The following EYS variants were observed in gnomAD, a reference collection of about 807,000 sequenced individuals.
EYS encodes the protein EGF-like photoreceptor maintenance factor.
Under a neutral mutation model 282.1 loss-of-function variants are expected in EYS, and 250 were observed. The ratio of observed to expected loss-of-function variants is 0.89; its 90% CI spans 0.80 to 0.98. The LOEUF is 0.98. EYS is among the 50% of genes least tolerant of loss of function. The probability of loss-of-function intolerance (pLI) is 0.00; values close to 1 mark genes in which losing one functional copy is unlikely to be tolerated. For missense variants in EYS, 4,016 were observed against 3,709.0 expected (o/e 1.08, Z -2.15); for synonymous variants, 1,355 against 1,282.9 (o/e 1.06, Z -1.20).
chr6:63,954,694 C>A (rs1357818576), intron 35 of EYS, among the ~76,000 whole-genome samples: 1 of 152,064 alleles, frequency 6.6e-6, no homozygotes, highest in African/African-American at 2.4e-5. Flanking sequence ...TTGTTCTTCT[C>A]ATCAGTCACT....
At chr6:64,771,225 T>A (rs929386438) in intron 22 of EYS, among the ~76,000 whole-genome samples, 2 of 151,784 alleles carry the variant, frequency 1.3e-5, no homozygotes, top group Non-Finnish European at 3.0e-5. Context: ...CTTATGTATC[T>A]ATAGCTAGAT....
At chr6:65,666,173 G>A (rs9354272) in intron 1 of EYS, among the ~76,000 whole-genome samples, 124,066 of 151,724 alleles carry the variant, frequency 0.82, 50,816 homozygotes, top group East Asian at 0.85. Flanking sequence ...CCATCATACT[G>A]AACCAGAAAG....
At chr6:64,067,434 C>T (rs1320952983) in intron 32 of EYS, among the ~76,000 whole-genome samples, 1 of 152,086 alleles carries the variant, frequency 6.6e-6, no homozygotes, top group Non-Finnish European at 1.5e-5. Context: ...TGTTTAACAG[C>T]TATAGTTAGT....
At chr6:63,923,760 A>G (rs960705098) in intron 35 of EYS, among the ~76,000 whole-genome samples, 2 of 152,062 alleles carry the variant, frequency 1.3e-5, no homozygotes, top group Admixed American at 1.3e-4. Flanking sequence ...CCCAGTGTCT[A>G]TTGATGCCAT....
At chr6:65,438,298 A>C (rs1013097250) in intron 5 of EYS, among the ~76,000 whole-genome samples, 13 of 152,078 alleles carry the variant, frequency 8.5e-5, no homozygotes, top group Admixed American at 2.0e-4. Flanking sequence ...GCTATTGTGA[A>C]TAGTGCTGCA....
chr6:64,806,038 A>T (rs11751091), intron 22 of EYS, among the ~76,000 whole-genome samples: 6,713 of 151,804 alleles, frequency 0.044, 174 homozygotes, highest in East Asian at 0.071. Flanking sequence ...TAAAATTATG[A>T]CATAATTACT....
intron 32 of EYS, among the ~76,000 whole-genome samples, chr6:64,072,840 T>A (rs1771640011): frequency 6.6e-6 from 1 of 151,972 alleles, no homozygotes; most frequent in South Asian, 2.1e-4. Flanking sequence ...AAAAATAGGA[T>A]ATATAGTGTA....
intron 36 of EYS, among the ~76,000 whole-genome samples, chr6:63,809,685 C>T (rs1324379113): frequency 6.6e-6 from 1 of 151,704 alleles, no homozygotes; most frequent in Non-Finnish European, 1.5e-5. Context: ...GACATCATCT[C>T]GGGGCATTAA....
Position 64,849,486 on chromosome 6 carries a change from C to A in EYS, c.2993-26664G>T, listed in dbSNP as rs1765816675. The stretch of plus-strand genomic sequence containing the variant: ...GAGTCACTTATCCTTCAGTAGATTT[C>A]TATTTCTGCATATTTAAGCAGACTT... On this transcript the variant is annotated intron_variant, in intron 19 of 42. Transcript: ENST00000503581. Among the ~76,000 whole-genome samples the A allele has an allele frequency of 2.0e-5, 3 of 152,058 alleles. No individual in the cohort carries two copies. The South Asian group carries it at 6.2e-4, about 32-fold the overall frequency.
chr6:65,147,083 T>C (rs1764498288), intron 12 of EYS, among the ~76,000 whole-genome samples: 1 of 152,040 alleles, frequency 6.6e-6, no homozygotes, highest in Admixed American at 6.6e-5. Context: ...GTTTTTTGGT[T>C]TTTAAACTGC....
chr6:64,351,348 C>T (rs1771628533), intron 29 of EYS, among the ~76,000 whole-genome samples: 2 of 151,422 alleles, frequency 1.3e-5, no homozygotes, highest in Admixed American at 1.3e-4. Context: ...CAGAGGTCGG[C>T]TAAACCAAGT....
chr6:64,546,316 C>T (rs1360147729), intron 26 of EYS, among the ~76,000 whole-genome samples: 1 of 152,104 alleles, frequency 6.6e-6, no homozygotes, highest in East Asian at 1.9e-4. Flanking sequence ...ACTGGCTAGC[C>T]ATATGTAGAA....
chr6:65,128,307 T>C (rs1337086829), intron 12 of EYS, among the ~76,000 whole-genome samples: 4 of 151,988 alleles, frequency 2.6e-5, no homozygotes, highest in Non-Finnish European at 4.4e-5. Context: ...CTATTCAATA[T>C]AGTATTGAAA....
chr6:65,019,873 G>A (rs1424088029), intron 13 of EYS, among the ~76,000 whole-genome samples: 1 of 150,780 alleles, frequency 6.6e-6, no homozygotes, highest in East Asian at 1.9e-4. Context: ...TGGCAGAAGG[G>A]GAAACAAACA....
At chr6:63,784,925 T>G (rs918881964) in intron 39 of EYS, among the ~76,000 whole-genome samples, 1 of 152,160 alleles carries the variant, frequency 6.6e-6, no homozygotes, top group Non-Finnish European at 1.5e-5. Context: ...TAGTCAAAGA[T>G]GACAGTAAGC....
At chr6:63,807,863 T>G (rs1770945365) in intron 36 of EYS, among the ~76,000 whole-genome samples, 1 of 152,144 alleles carries the variant, frequency 6.6e-6, no homozygotes. Flanking sequence ...GGAAATGAAA[T>G]GTACTGGAGT....
intron 14 of EYS, among the ~76,000 whole-genome samples, chr6:64,959,831 T>C (rs1490923844): frequency 6.6e-6 from 1 of 151,922 alleles, no homozygotes; most frequent in Non-Finnish European, 1.5e-5. Flanking sequence ...AACTATGTTG[T>C]AAAGTTTCAG....
chr6:64,699,345 C>T (rs1770703046), intron 22 of EYS, among the ~76,000 whole-genome samples: 1 of 151,952 alleles, frequency 6.6e-6, no homozygotes. Context: ...TGGGAGCAGA[C>T]AGTGGAGCAG....
At chr6:64,781,514 T>C (rs1468575391) in intron 22 of EYS, among the ~76,000 whole-genome samples, 1 of 151,128 alleles carries the variant, frequency 6.6e-6, no homozygotes, top group Non-Finnish European at 1.5e-5. Context: ...GAGGCGGAGT[T>C]TGCAGTGAGC....
Sources: allele counts gnomAD v4.1 joint callset (sites outside exome capture counted in the v4.1 genomes callset), GRCh38; gene constraint gnomAD v4.1.1; transcripts MANE v1.5; gene names NCBI Gene and HGNC (gene_info 2026-07-23, HGNC 2026-07-21).